The following STIMATE variants were observed in gnomAD, a reference collection of about 807,000 sequenced individuals.
The protein encoded by STIMATE is STIM activating enhancer.
In STIMATE, 15 loss-of-function variants were observed where a neutral mutation model predicts 36.7. The observed-to-expected ratio is 0.41, with a 90% CI of 0.27 to 0.63. The LOEUF (loss-of-function observed/expected upper bound fraction) is 0.63. Among genes scored for constraint, STIMATE ranks in the 20% least tolerant of loss-of-function variants. The pLI is 0.32. For missense variants in STIMATE, 305 were observed against 397.3 expected, an observed-to-expected ratio of 0.77 and a Z score of 1.98; for synonymous variants, 163 against 162.3, an observed-to-expected ratio of 1.00 and a Z score of -0.03.
intron 1 of STIMATE, among the ~76,000 whole-genome samples, chr3:52,871,751 A>C (rs138438267): frequency 2.0e-5 from 3 of 152,316 alleles, no homozygotes; most frequent in African/African-American, 7.2e-5. Flanking sequence ...TCCATGACAC[A>C]AATCTGTCAA....
intron 6 of STIMATE, 31 bp from the exon 7 acceptor site, chr3:52,842,991 G>A (rs1559488323): frequency 8.1e-6 from 13 of 1,613,488 alleles, no homozygotes; most frequent in Non-Finnish European, 9.3e-6. Flanking sequence ...GGTTACTTTG[G>A]GATAAACCAT....
chr3:52,865,032 T>C (rs1701279808), intron 1 of STIMATE, among the ~76,000 whole-genome samples: 1 of 151,896 alleles, frequency 6.6e-6, no homozygotes, highest in African/African-American at 2.4e-5. Context: ...CTGCAACCTC[T>C]GCCTCCCGGG....
intron 1 of STIMATE, among the ~76,000 whole-genome samples, chr3:52,896,951 G>A (rs1701874530): frequency 6.6e-6 from 1 of 152,216 alleles, no homozygotes; most frequent in Admixed American, 6.5e-5. Context: ...CCTGAGAAGG[G>A]GCGGACAAGG....
intron 4 of STIMATE, among the ~76,000 whole-genome samples, chr3:52,846,074 G>A (rs1200373946): frequency 1.3e-5 from 2 of 152,236 alleles, no homozygotes; most frequent in Non-Finnish European, 1.5e-5. Context: ...CCATGCTGGA[G>A]GCCCATGCCC....
chr3:52,878,708 G>T (rs1666133335), intron 1 of STIMATE, among the ~76,000 whole-genome samples: 1 of 152,156 alleles, frequency 6.6e-6, no homozygotes. Flanking sequence ...GGTTTTCCAA[G>T]GGCACACACC....
At chr3:52,863,154 T>C (rs1317994032) in intron 1 of STIMATE, among the ~76,000 whole-genome samples, 1 of 152,218 alleles carries the variant, frequency 6.6e-6, no homozygotes, top group Admixed American at 6.5e-5. Context: ...TAAAGATTCT[T>C]TTCTCTTTTT....
At chr3:52,885,637 G>A (rs1291599554) in intron 1 of STIMATE, among the ~76,000 whole-genome samples, 1 of 152,152 alleles carries the variant, frequency 6.6e-6, no homozygotes, top group Non-Finnish European at 1.5e-5. Context: ...AAAAAGTCTC[G>A]AGGAGACCCC....
intron 1 of STIMATE, among the ~76,000 whole-genome samples, chr3:52,873,410 G>A (rs939633231): frequency 6.6e-6 from 1 of 152,252 alleles, no homozygotes; most frequent in African/African-American, 2.4e-5. Flanking sequence ...AACATTTGGT[G>A]AGGATATTAG....
intron 2 of STIMATE, among the ~76,000 whole-genome samples, chr3:52,853,462 C>G (rs1371281648): frequency 6.6e-6 from 1 of 152,224 alleles, no homozygotes; most frequent in East Asian, 1.9e-4. Context: ...AGCCATTCTC[C>G]TCTGTGGTCG....
At chr3:52,856,507 C>A (rs755781731) in intron 1 of STIMATE, among the ~76,000 whole-genome samples, 1 of 11,346 alleles carries the variant, frequency 8.8e-5, no homozygotes, top group Non-Finnish European at 6.3e-4. Context: ...AGAGTGAGAC[C>A]ACGTCTCTAC....
intron 3 of STIMATE, among the ~76,000 whole-genome samples, chr3:52,851,425 C>T (rs1288182411): frequency 6.6e-6 from 1 of 152,194 alleles, no homozygotes; most frequent in South Asian, 2.1e-4. Flanking sequence ...AGTCTCACAG[C>T]CTCCTATCCT....
At chr3:52,885,020 C>T (rs1051935822) in intron 1 of STIMATE, among the ~76,000 whole-genome samples, 1 of 152,180 alleles carries the variant, frequency 6.6e-6, no homozygotes, top group Non-Finnish European at 1.5e-5. Context: ...TACCATTTTG[C>T]ATTTTTACCA....
intron 7 of STIMATE, chr3:52,841,925 G>A (rs1700803663): frequency 6.6e-6 from 1 of 152,218 alleles, no homozygotes; most frequent in South Asian, 2.1e-4. Flanking sequence ...TCATATGACA[G>A]GTGCTGGCCA....
At position 52,843,792 on chromosome 3, in the gene STIMATE, G is replaced by C; in HGVS notation, c.547C>G (p.Leu183Val). ...LLILQWKKVA[L>V]LNPIENPDLK... ...TCTGGGTTTTCAATGGGATTCAACA[G>C]GGCCACCTGTAAAGAGAAGCAGACT... The change falls in exon 6 of 8, where the codon CTG (leucine) becomes GTG (valine). Residue 183 changes from leucine to valine, a missense_variant. Physicochemically the swap from Leu to Val is conservative, Grantham distance 32. Coordinates refer to ENST00000355083, the MANE Select transcript of STIMATE (RefSeq NM_198563.5). 1.2e-6 allele frequency: 2 copies of C among 1,613,892 alleles called. No homozygotes were observed. The highest frequency in any genetic ancestry group is 1.7e-6 in the Non-Finnish European group (2 of 1,179,992).
intron 1 of STIMATE, among the ~76,000 whole-genome samples, chr3:52,861,843 G>A (rs189978963): frequency 1.3e-5 from 2 of 152,162 alleles, no homozygotes; most frequent in East Asian, 1.9e-4. Flanking sequence ...ATCCTAGGAG[G>A]CTTCTATGAT....
intron 1 of STIMATE, among the ~76,000 whole-genome samples, chr3:52,872,170 C>T (rs746322574): frequency 6.6e-6 from 1 of 152,122 alleles, no homozygotes. Context: ...TAGCATTAAT[C>T]TCAGAAATTC....
At chr3:52,855,957 T>G (rs1441054636) in intron 1 of STIMATE, among the ~76,000 whole-genome samples, 1 of 152,194 alleles carries the variant, frequency 6.6e-6, no homozygotes, top group East Asian at 1.9e-4. Flanking sequence ...CGCAGAACGA[T>G]GGCACAAGGG....
intron 2 of STIMATE, among the ~76,000 whole-genome samples, chr3:52,854,773 G>A (rs759698980): frequency 5.9e-5 from 9 of 152,218 alleles, no homozygotes; most frequent in African/African-American, 9.7e-5. Flanking sequence ...GGGGCAGTTT[G>A]TGGGACTGAG....
rs1700759491 is a variant in STIMATE, at chr3:52,839,457, T to C, written c.*1037A>G. The C allele has an allele frequency of 6.6e-6, 1 of 152,226 alleles. No individual in the cohort carries two copies. Among genetic ancestry groups the C allele is most frequent in the African/African-American group, 2.4e-5 (1 of 41,440 alleles). The allele number at this position is 152,226 out of a possible 1,614,324, so 9.4% of individuals were successfully genotyped here. The stretch of plus-strand genomic sequence containing the variant: ...CAGACTGCACAGGAGTCTGGTAGTC[T>C]TGGGTCCTCTGGAAACAAAGACCTC... On this transcript the variant is annotated 3_prime_UTR_variant, in exon 8 of 8. Transcript: ENST00000355083.
Sources: allele counts gnomAD v4.1 joint callset (sites outside exome capture counted in the v4.1 genomes callset), GRCh38; gene constraint gnomAD v4.1.1; transcripts MANE v1.5; gene names NCBI Gene and HGNC (gene_info 2026-07-23, HGNC 2026-07-21).